The following NPR3 variants were observed in gnomAD, a reference collection of about 807,000 sequenced individuals.
NPR3 encodes the protein natriuretic peptide receptor 3.
Under a neutral mutation model 54.5 loss-of-function variants are expected in NPR3, and 34 were observed. That is an observed-to-expected ratio of 0.62 (90% CI 0.47 to 0.83). The LOEUF (loss-of-function observed/expected upper bound fraction) is 0.83, where lower values mean the gene tolerates loss of function less well. Ranked by LOEUF, NPR3 falls within the 40% of genes least tolerant of loss-of-function variation. The pLI, the probability that NPR3 is intolerant of heterozygous loss-of-function variation, is 0.00. For missense variants in NPR3, 674 were observed against 720.8 expected, an observed-to-expected ratio of 0.94 and a Z score of 0.74; for synonymous variants, 289 against 297.1, an observed-to-expected ratio of 0.97 and a Z score of 0.28.
At chr5:32,758,942 A>G (rs1740999431) in intron 3 of NPR3, among the ~76,000 whole-genome samples, 1 of 152,094 alleles carries the variant, frequency 6.6e-6, no homozygotes, top group Non-Finnish European at 1.5e-5. Flanking sequence ...CCTGAGTTCT[A>G]GTTTGATTGC....
upstream of NPR3, among the ~76,000 whole-genome samples, chr5:32,708,330 G>A (rs1738052009): frequency 6.6e-6 from 1 of 151,986 alleles, no homozygotes; most frequent in African/African-American, 2.4e-5. Flanking sequence ...AAATAAATAA[G>A]TTATTTCTAT....
upstream of NPR3, among the ~76,000 whole-genome samples, chr5:32,706,367 C>T (rs1737985959): frequency 6.6e-6 from 1 of 152,088 alleles, no homozygotes; most frequent in Non-Finnish European, 1.5e-5. Context: ...GCCTAATACA[C>T]AGGGGGATGA....
chr5:32,701,196 AT>A (rs1326801243), intron 1 of NPR3, among the ~76,000 whole-genome samples: 2 of 150,904 alleles, frequency 1.3e-5, no homozygotes, highest in South Asian at 2.1e-4. Flanking sequence ...TTTTATTATT[AT>A]TTTTTCTTTT....
intron 3 of NPR3, among the ~76,000 whole-genome samples, chr5:32,773,087 G>A (rs190903644): frequency 2.1e-4 from 32 of 152,280 alleles, no homozygotes; most frequent in African/African-American, 7.5e-4. Context: ...GTCAGTTGCA[G>A]CTCTCTTCCC....
At chr5:32,764,885 G>A (rs562725651) in intron 3 of NPR3, among the ~76,000 whole-genome samples, 1 of 150,256 alleles carries the variant, frequency 6.7e-6, no homozygotes. Context: ...CACCACTACT[G>A]GAATGCTCTT....
At chr5:32,693,803 A>G (rs1416769853) in intron 1 of NPR3, among the ~76,000 whole-genome samples, 1 of 152,190 alleles carries the variant, frequency 6.6e-6, no homozygotes, top group East Asian at 1.9e-4. Flanking sequence ...ACATTTTTAT[A>G]AGCTGAGTAT....
At chr5:32,765,064 T>G (rs1579679763) in intron 3 of NPR3, among the ~76,000 whole-genome samples, 2 of 152,312 alleles carry the variant, frequency 1.3e-5, no homozygotes, top group South Asian at 4.1e-4. Flanking sequence ...AAAAATGAGT[T>G]TACTCATTCC....
chr5:32,694,882 G>A (rs573807000), intron 1 of NPR3, among the ~76,000 whole-genome samples: 18 of 149,162 alleles, frequency 1.2e-4, no homozygotes, highest in Non-Finnish European at 2.4e-4. Flanking sequence ...TCTGGTAATC[G>A]TCATTCTATT....
At chr5:32,779,970 T>G (rs1028021280) in intron 4 of NPR3, among the ~76,000 whole-genome samples, 1 of 152,184 alleles carries the variant, frequency 6.6e-6, no homozygotes, top group African/African-American at 2.4e-5. Context: ...AGGGCTAAGT[T>G]CCTTGTCCAA....
intron 3 of NPR3, among the ~76,000 whole-genome samples, chr5:32,754,971 C>A (rs939341880): frequency 1.3e-5 from 2 of 152,244 alleles, no homozygotes; most frequent in African/African-American, 4.8e-5. Flanking sequence ...CGCCATTCTC[C>A]TGCCTCAGCC....
chr5:32,704,620 A>G (rs1737937584), upstream of NPR3, among the ~76,000 whole-genome samples: 1 of 152,196 alleles, frequency 6.6e-6, no homozygotes, highest in South Asian at 2.1e-4. Context: ...CTGGATCCCA[A>G]CCCAGACATA....
chr5:32,708,175 T>C (rs1738048518), upstream of NPR3, among the ~76,000 whole-genome samples: 1 of 152,070 alleles, frequency 6.6e-6, no homozygotes, highest in African/African-American at 2.4e-5. Flanking sequence ...CCCATAACTT[T>C]CCTTTGGTTT....
At chr5:32,770,398 C>A (rs897460075) in intron 3 of NPR3, among the ~76,000 whole-genome samples, 2 of 151,130 alleles carry the variant, frequency 1.3e-5, no homozygotes, top group African/African-American at 4.9e-5. Flanking sequence ...CCACTGCACT[C>A]CAGCCTAGGT....
At chr5:32,780,667 C>A in intron 4 of NPR3, 55 bp from the exon 5 acceptor site, 1 of 816,504 alleles carries the variant, frequency 1.2e-6, no homozygotes, top group Non-Finnish European at 2.2e-6. Context: ...TTTTTGTTGG[C>A]AGACAGAGGT....
intron 2 of NPR3, among the ~76,000 whole-genome samples, chr5:32,726,409 C>T (rs912401612): frequency 3.9e-5 from 6 of 152,166 alleles, no homozygotes; most frequent in African/African-American, 1.4e-4. Context: ...CTAGTTTGCC[C>T]TCCTTCCTGC....
At chr5:32,696,403 T>C (rs891969557) in intron 1 of NPR3, among the ~76,000 whole-genome samples, 7 of 152,176 alleles carry the variant, frequency 4.6e-5, no homozygotes, top group African/African-American at 1.7e-4. Flanking sequence ...TACTATAGCT[T>C]TACAGTATAA....
Position 32,722,382 on chromosome 5 carries a change from A to G in NPR3, c.770-2316A>G, listed in dbSNP as rs116021735. Among the ~76,000 whole-genome samples, 1,265 of 152,318 alleles carry G rather than the reference A, an allele frequency of 8.3e-3. 18 individuals carry two copies. The highest frequency in any genetic ancestry group is 0.029 in the African/African-American group (1,194 of 41,562). ...CTTATAATTTGTCTCTCCAGTTAGCATGCTCAGGTATAGGGCATGTTGACA... is the reference window on the plus strand; with the variant it reads ...CTTATAATTTGTCTCTCCAGTTAGCGTGCTCAGGTATAGGGCATGTTGACA... On this transcript the variant is annotated intron_variant, in intron 1 of 7. Transcript: ENST00000265074.
rs148903861 is a variant in NPR3, at chr5:32,789,422, A to G, written c.*3077A>G. On this transcript the variant is annotated 3_prime_UTR_variant, in exon 8 of 8. Transcript: ENST00000265074. ...GTTTCATGAGAAGGTCCCTGAAAAC[A>G]TCACATTTCTCTGAAGAACCATCAA... The G allele has an allele frequency of 6.6e-5, 35 of 527,466 alleles. No homozygotes were observed. Among genetic ancestry groups the G allele is most frequent in the Middle Eastern group, 6.5e-4 (2 of 3,090 alleles). The allele number at this position is 527,466 out of a possible 1,614,324, so 32.7% of individuals were successfully genotyped here.
chr5:32,701,099 C>A (rs542973204), intron 1 of NPR3, among the ~76,000 whole-genome samples: 1 of 152,090 alleles, frequency 6.6e-6, no homozygotes, highest in African/African-American at 2.4e-5. Flanking sequence ...CTAACTGGCG[C>A]GAGATGGTAT....
Sources: allele counts gnomAD v4.1 joint callset (sites outside exome capture counted in the v4.1 genomes callset), GRCh38; gene constraint gnomAD v4.1.1; transcripts MANE v1.5; gene names NCBI Gene and HGNC (gene_info 2026-07-23, HGNC 2026-07-21).